The following DNHD1 variants were observed in gnomAD, a reference collection of about 807,000 sequenced individuals.
DNHD1 encodes the protein dynein heavy chain domain 1, also known as dynein heavy chain domain-containing protein 1.
DNHD1 carries 383 observed loss-of-function variants against 458.1 expected under a neutral mutation model. The ratio of observed to expected loss-of-function variants is 0.84; its 90% CI spans 0.77 to 0.91. The LOEUF (loss-of-function observed/expected upper bound fraction) is 0.91, where lower values mean the gene tolerates loss of function less well. Among genes scored for constraint, DNHD1 ranks in the 40% least tolerant of loss-of-function variants. The pLI, the probability that DNHD1 is intolerant of heterozygous loss-of-function variation, is 0.00. For missense variants in DNHD1, 5,336 were observed against 5,866.1 expected (o/e 0.91, Z 2.95); for synonymous variants, 2,203 against 2,376.9 (o/e 0.93, Z 2.13).
At position 6,544,185 on chromosome 11, in the gene DNHD1, C is replaced by T. The variant is rs1416684138; in HGVS notation, c.3693C>T (p.Ile1231=). The T allele has an allele frequency of 3.2e-6, 5 of 1,551,446 alleles. No homozygotes were observed. Among genetic ancestry groups the T allele is most frequent in the Non-Finnish European group, 4.4e-6 (5 of 1,146,954 alleles). The change falls in exon 19 of 43, where the codon ATC becomes ATT. Residue 1231 remains isoleucine, a synonymous_variant. Transcript: ENST00000254579. ...SLQVLSKILA[I]EKSGDLNKIA... ...AGGTGTTGTCCAAGATCTTGGCCAT[C>T]GAAAAGTCAGGAGATTTAAACAAAA...
chr11:6,570,658 G>C lies in DNHD1; in HGVS notation c.13146G>C (p.Gln4382His), dbSNP rs1286909095. The C allele has an allele frequency of 6.2e-7, 1 of 1,612,098 alleles. No individual in the cohort carries two copies. Among genetic ancestry groups the C allele is most frequent in the Non-Finnish European group, 8.5e-7 (1 of 1,179,176 alleles). ...ELDAMAECKAQMHLLPSPPEP... is the reference protein window; with the variant it reads ...ELDAMAECKAHMHLLPSPPEP... Reference sequence around the variant, plus strand: ...ATGCAATGGCAGAGTGCAAGGCCCAGATGCACCTACTGCCCTCACCACCTG... The same window carrying C: ...ATGCAATGGCAGAGTGCAAGGCCCACATGCACCTACTGCCCTCACCACCTG... Residue 4382 changes from glutamine (Q) to histidine (H), a missense_variant, in exon 42 of 43, where the codon CAG becomes CAC. This residue lies in a region of DNHD1 where 698 missense variants were observed against 664.9 expected (regional missense o/e 1.05). Transcript: ENST00000254579.
chr11:6,566,492 G>T, intron 34 of DNHD1, 95 bp from the exon 35 acceptor site: 3 of 1,551,352 alleles, frequency 1.9e-6, no homozygotes, highest in Non-Finnish European at 2.6e-6. Flanking sequence ...CCCAGAGCAG[G>T]CACAGGTCTA....
rs1207322273 is a variant in DNHD1 at position 6,558,505 on chromosome 11, G to T, written c.9023G>T (p.Ser3008Ile). Residue 3008 changes from serine (S) to isoleucine (I), a missense_variant, in exon 26 of 43, where the codon AGC becomes ATC. Ser to Ile is a moderately radical substitution (Grantham distance 142). This residue lies in a region of DNHD1 where 3,932 missense variants were observed against 4,365.6 expected (regional missense o/e 0.90). Coordinates refer to ENST00000254579, the MANE Select transcript of DNHD1 (RefSeq NM_144666.3). ...CACAGGTTCCACCAGCAAGTGTGCA[G>T]CCACCTTCACCTGTTCTTCCTGATT... ...VLQRFHQQVC[S>I]HLHLFFLIGD... is the part of the protein sequence containing the mutation. 6.4e-7 allele frequency: 1 copy of T among 1,551,698 alleles called. No individual in the cohort carries two copies. The highest frequency in any genetic ancestry group is 1.2e-5 in the South Asian group (1 of 84,064).
chr11:6,547,378 TGTG>T lies in DNHD1; in HGVS notation c.6444_6446del (p.Gly2149del), dbSNP rs761507278. 1.3e-6 allele frequency: 2 copies of T among 1,551,752 alleles called. No homozygotes were observed. Among genetic ancestry groups the T allele is most frequent in the Non-Finnish European group, 1.7e-6 (2 of 1,147,008 alleles). ...GGTAGGCTGTTGTGCCCTAGTCTGG[TGTG>T]GTGGAGAGCAGACTTGGCAGTGTAT... On this transcript the variant is annotated inframe_deletion, in exon 21 of 43. Transcript: ENST00000254579.
Position 6,571,451 on chromosome 11 carries a change from G to C in DNHD1, c.13911+28G>C, listed in dbSNP as rs766291958. 6.5e-7 allele frequency: 1 copy of C among 1,543,100 alleles called. No individual in the cohort carries two copies. Among genetic ancestry groups the C allele is most frequent in the Admixed American group, 1.9e-5 (1 of 52,378 alleles). On this transcript the variant is annotated intron_variant, in intron 42 of 42. Transcript: ENST00000254579. The surrounding 1 kb of genome is among the most constrained non-coding windows in gnomAD (Gnocchi z 5.0). ...ATCTTCGCGCCGCCCCTCGTTCGCG[G>C]TTCCAGTCCCCTCGAAGTCTCTAAT...
At position 6,547,059 on chromosome 11, in the gene DNHD1, G is replaced by A. The variant is rs758982221; in HGVS notation, c.6120G>A (p.Glu2040=). The A allele has an allele frequency of 1.4e-5, 21 of 1,551,592 alleles. No individual in the cohort carries two copies. In the South Asian group the frequency reaches 1.8e-4, roughly 13 times the overall value. ...ACCCCAGTGGCCTCAGCCCCCAGGAGTTCCTGGGATGGCTAGAGGGCTCCT... is the reference window on the plus strand; with the variant it reads ...ACCCCAGTGGCCTCAGCCCCCAGGAATTCCTGGGATGGCTAGAGGGCTCCT... The part of the protein sequence containing the change: ...HLYPSGLSPQ[E]FLGWLEGSCW... The change falls in exon 21 of 43, where the codon GAG becomes GAA. Residue 2040 remains glutamate (E), a synonymous_variant. Coordinates refer to ENST00000254579, the MANE Select transcript of DNHD1 (RefSeq NM_144666.3).
chr11:6,507,600 T>C (rs1035587990), intron 4 of DNHD1, among the ~76,000 whole-genome samples: 1 of 152,148 alleles, frequency 6.6e-6, no homozygotes, highest in Admixed American at 6.5e-5. Flanking sequence ...CTCCTGGCCC[T>C]ACACAGAAAC....
In DNHD1 at chr11:6,568,581, G is replaced by A. The variant is rs767399663; in HGVS notation, c.12661+5G>A. On this transcript the variant is annotated splice_donor_5th_base_variant and intron_variant, in intron 38 of 42. Coordinates refer to ENST00000254579, the MANE Select transcript of DNHD1 (RefSeq NM_144666.3). ...AGTCTAGTGCTTCTTTGCCAGGTGA[G>A]GAGCTTAACCCCCTACAGGCTCTCA... 3.1e-6 allele frequency: 5 copies of A among 1,613,970 alleles called. No individual in the cohort carries two copies. Among genetic ancestry groups the A allele is most frequent in the Non-Finnish European group, 2.5e-6 (3 of 1,179,890 alleles).
chr11:6,564,124 G>A lies in DNHD1; in HGVS notation c.10284G>A (p.Gln3428=). ...TGCGTGCCTGGACTACACAGCTCCAGGTAACCATCCCCCTCCCAGATGTCT... is the reference window on the plus strand; with the variant it reads ...TGCGTGCCTGGACTACACAGCTCCAAGTAACCATCCCCCTCCCAGATGTCT... The part of the protein sequence containing the change: ...TPMRAWTTQL[Q]KLKGRCMTVF... Residue 3428 remains glutamine, a splice_region_variant and synonymous_variant, in exon 31 of 43, where the codon CAG becomes CAA. Coordinates refer to ENST00000254579, the MANE Select transcript of DNHD1 (RefSeq NM_144666.3). 1.9e-6 allele frequency: 3 copies of A among 1,547,040 alleles called. No homozygotes were observed. In the South Asian group the frequency reaches 3.6e-5, roughly 18 times the overall value.
At position 6,571,911 on chromosome 11, in the gene DNHD1, G is replaced by A; in HGVS notation, c.14187G>A (p.Leu4729=). The change falls in exon 43 of 43, where the codon CTG becomes CTA. Residue 4729 remains leucine, a synonymous_variant. Coordinates refer to ENST00000254579, the MANE Select transcript of DNHD1 (RefSeq NM_144666.3). The surrounding 1 kb of genome is among the most constrained non-coding windows in gnomAD (Gnocchi z 5.0). ...AGAGCAGGAACATCGTGATGCATCT[G>A]CCTTTACCCACCAAGCTCACCCCCA... is the stretch of plus-strand genomic sequence containing the variant. ...KLQSRNIVMH[L]PLPTKLTPNT... The A allele has an allele frequency of 6.2e-7, 1 of 1,614,038 alleles. No homozygotes were observed. Among genetic ancestry groups the A allele is most frequent in the Non-Finnish European group, 8.5e-7 (1 of 1,179,908 alleles).
chr11:6,502,780 G>A lies in DNHD1; in HGVS notation c.774G>A (p.Arg258=), dbSNP rs1368211219. The change falls in exon 4 of 43, where the codon AGG becomes AGA. Residue 258 remains arginine (R), a synonymous_variant. Transcript: ENST00000254579. ...TRSQLDYEVP[R]EKAFQKSSTG... ...CTCAGCTTGACTATGAAGTTCCCAG[G>A]GAAAAGGCCTTCCAAAAGAGCAGCA... 1 of 1,604,578 alleles carries A rather than the reference G, an allele frequency of 6.2e-7. No homozygotes were observed. The highest frequency in any genetic ancestry group is 8.5e-7 in the Non-Finnish European group (1 of 1,176,350).
At chr11:6,559,722 A>T (rs1853546140) in intron 28 of DNHD1, among the ~76,000 whole-genome samples, 2 of 152,254 alleles carry the variant, frequency 1.3e-5, no homozygotes, top group Non-Finnish European at 2.9e-5. Context: ...CAGTGAGGAC[A>T]TGTAGATGGG....
Position 6,570,069 on chromosome 11 carries a change from C to A in DNHD1, c.12924C>A (p.Ser4308Arg). The stretch of plus-strand genomic sequence containing the variant: ...AAGACCAGCTGTGGGCAAGTCTTAG[C>A]AATCCCCGTGCTGCCATGCAAGAGC... Reference protein sequence around the residue: ...QTQDQLWASLSNPRAAMQELA... With the variant: ...QTQDQLWASLRNPRAAMQELA... Residue 4308 changes from serine (S) to arginine (R), a missense_variant, in exon 40 of 43, where the codon AGC (serine) becomes AGA (arginine). Ser to Arg is a moderately radical substitution (Grantham distance 110). Around this residue, in one of 4 missense-constraint regions of DNHD1, gnomAD observed 698 missense variants for 664.9 expected, o/e 1.05. Transcript: ENST00000254579. 1 of 1,613,984 alleles carries A rather than the reference C, an allele frequency of 6.2e-7. No individual in the cohort carries two copies. Among genetic ancestry groups the A allele is most frequent in the Non-Finnish European group, 8.5e-7 (1 of 1,179,866 alleles).
In DNHD1 at chr11:6,547,254, TC is replaced by T; in HGVS notation, c.6319del (p.Gln2107SerfsTer10). ...CCATCACTTGCCTCCTGAGTGAGCT[TC>T]CCCAGCTTAGTCTCCCCAGTGGACA... is the stretch of plus-strand genomic sequence containing the variant. Reference protein sequence around the residue: ...DSITCLLSELPQLSLPSGQQI... With the variant: ...DSITCLLSELXQLSLPSGQQI... On this transcript the variant is annotated frameshift_variant, in exon 21 of 43. Coordinates refer to ENST00000254579, the MANE Select transcript of DNHD1 (RefSeq NM_144666.3). LOFTEE classifies it high-confidence loss of function. 1 of 1,551,744 alleles carries T rather than the reference TC, an allele frequency of 6.4e-7. No individual in the cohort carries two copies. The highest frequency in any genetic ancestry group is 8.7e-7 in the Non-Finnish European group (1 of 1,146,962).
chr11:6,568,419 C>T (rs776067644), intron 37 of DNHD1, 35 bp from the exon 38 acceptor site: 11 of 1,610,508 alleles, frequency 6.8e-6, no homozygotes, highest in Non-Finnish European at 8.5e-6. Flanking sequence ...GACCCTTTAT[C>T]CAAGGACTGA....
rs765857716 is a variant in DNHD1, at chr11:6,498,481, G to A, written c.266G>A (p.Gly89Asp). The A allele has an allele frequency of 3.7e-6, 6 of 1,614,088 alleles. No homozygotes were observed. The highest frequency in any genetic ancestry group is 5.1e-6 in the Non-Finnish European group (6 of 1,180,048). Residue 89 changes from glycine (G) to aspartate (D), a missense_variant, in exon 3 of 43, where the codon GGT (glycine) becomes GAT (aspartate). Coordinates refer to ENST00000254579, the MANE Select transcript of DNHD1 (RefSeq NM_144666.3). ...AAWRYLHAVLGLLPPYRELLV... is the reference protein window; with the variant it reads ...AAWRYLHAVLDLLPPYRELLV... ...TGGCGCTATCTTCATGCAGTACTGG[G>A]TCTACTGCCTCCATATCGTGAGTTG... is the stretch of plus-strand genomic sequence containing the variant.
chr11:6,564,752 G>A lies in DNHD1; in HGVS notation c.10704G>A (p.Pro3568=), dbSNP rs375989816. 1,160 of 1,545,068 alleles carry A rather than the reference G, an allele frequency of 7.5e-4. 1 individual carries two copies. Among genetic ancestry groups the A allele is most frequent in the Non-Finnish European group, 8.6e-4 (985 of 1,142,116 alleles). The change falls in exon 32 of 43, where the codon CCG becomes CCA. Residue 3568 remains proline, a synonymous_variant. Transcript: ENST00000254579. ...ACGAGGCCCTCATCTGGTTGGACCC[G>A]CTGCCTCTGGAAGAGAATCGATCTT... is the stretch of plus-strand genomic sequence containing the variant. ...PSNEALIWLD[P]LPLEENRSFA... is the part of the protein sequence containing the mutation.
rs749605562 is a variant in DNHD1, at chr11:6,558,241, C to A, written c.8946C>A (p.Leu2982=). ...EADLDRIGEH[L]PRENLGVKQN... is the part of the protein sequence containing the mutation. ...ATTTGGACCGCATTGGAGAACACCTCCCCAGGGAGAACCTTGGTGTCAAAC... is the reference window on the plus strand; with the variant it reads ...ATTTGGACCGCATTGGAGAACACCTACCCAGGGAGAACCTTGGTGTCAAAC... Residue 2982 remains leucine (L), a synonymous_variant, in exon 25 of 43, where the codon CTC becomes CTA. Transcript: ENST00000254579. 1.8e-5 allele frequency: 28 copies of A among 1,551,530 alleles called. No individual in the cohort carries two copies. Among genetic ancestry groups the A allele is most frequent in the African/African-American group, 2.7e-5 (2 of 73,030 alleles).
chr11:6,529,130 T>C lies in DNHD1; in HGVS notation c.2347+9T>C, dbSNP rs1360097331. On this transcript the variant is annotated intron_variant, in intron 12 of 42. Coordinates refer to ENST00000254579, the MANE Select transcript of DNHD1 (RefSeq NM_144666.3). ...TGTACAGGCAGAGATGGGTGAGTAC[T>C]GCTTCTCTTCCCTCTCCTCCTTCCC... 3 of 1,549,752 alleles carry C rather than the reference T, an allele frequency of 1.9e-6. No individual in the cohort carries two copies. Among genetic ancestry groups the C allele is most frequent in the Non-Finnish European group, 8.7e-7 (1 of 1,146,758 alleles).
Sources: allele counts gnomAD v4.1 joint callset (sites outside exome capture counted in the v4.1 genomes callset), GRCh38; gene constraint gnomAD v4.1.1; regional missense constraint gnomAD v4.1.1; non-coding constraint Gnocchi (gnomAD v3.1); transcripts MANE v1.5; gene names NCBI Gene and HGNC (gene_info 2026-07-23, HGNC 2026-07-21).